Variants in GRID2 observed in about 807,000 individuals in gnomAD.
GRID2 encodes the protein glutamate ionotropic receptor delta type subunit 2.
In GRID2, 33 loss-of-function variants were observed where a neutral mutation model predicts 114.8. That is an observed-to-expected ratio of 0.29 (90% CI 0.22 to 0.38). The LOEUF is 0.38. Among genes scored for constraint, GRID2 ranks in the 10% least tolerant of loss-of-function variants. GRID2 has a pLI of 1.00. For synonymous variants in GRID2, 505 were observed against 449.9 expected, an observed-to-expected ratio of 1.12 and a Z score of -1.55; for missense variants, 1,184 against 1,257.7, an observed-to-expected ratio of 0.94 and a Z score of 0.89.
chr4:93,701,608 A>G (rs1727510903), intron 14 of GRID2, among the ~76,000 whole-genome samples: 1 of 152,144 alleles, frequency 6.6e-6, no homozygotes, highest in African/African-American at 2.4e-5. Context: ...CAGAGAAGAA[A>G]CAGACCATTT....
chr4:93,034,833 A>C (rs2149261619), intron 2 of GRID2, among the ~76,000 whole-genome samples: 1 of 152,254 alleles, frequency 6.6e-6, no homozygotes, highest in African/African-American at 2.4e-5. Flanking sequence ...GTCTCTCCAT[A>C]AACTTTACTC....
At chr4:92,843,075 C>CA (rs1743032105) in intron 2 of GRID2, among the ~76,000 whole-genome samples, 2 of 151,646 alleles carry the variant, frequency 1.3e-5, no homozygotes, top group Admixed American at 1.3e-4. Flanking sequence ...CCCATATATA[C>CA]AAAAAATAAA....
At chr4:93,607,435 A>T (rs981782209) in intron 13 of GRID2, among the ~76,000 whole-genome samples, 6 of 152,120 alleles carry the variant, frequency 3.9e-5, no homozygotes, top group African/African-American at 1.4e-4. Context: ...GGAACACATC[A>T]TCATTCTATG....
rs147601582 is a variant in GRID2, at chr4:93,150,128, A to G, written c.735+39175A>G. On this transcript the variant is annotated intron_variant, in intron 4 of 15. Transcript: ENST00000282020. ...AGAGCTAGAGTTGCCCCAGAGTTGA[A>G]TAACTCATCTGGTCAGTTAATGTGA... 7.2e-5 allele frequency among the ~76,000 whole-genome samples: 11 copies of G among 152,312 alleles called. No individual in the cohort carries two copies. In the East Asian group the frequency reaches 2.1e-3, roughly 29 times the overall value.
At position 93,724,753 on chromosome 4, in the gene GRID2, C is replaced by G. The variant is rs187152313; in HGVS notation, c.2361-44457C>G. 1.9e-3 allele frequency among the ~76,000 whole-genome samples: 292 copies of G among 151,984 alleles called. 2 individuals carry two copies. Among genetic ancestry groups the G allele is most frequent in the African/African-American group, 6.2e-3 (257 of 41,478 alleles). On this transcript the variant is annotated intron_variant, in intron 14 of 15. Coordinates refer to ENST00000282020, the MANE Select transcript of GRID2 (RefSeq NM_001510.4). ...TTGTCCAGTAGGGGAGAGAGAGGTC[C>G]TCACTGCACCATGTTCCAGAGCTTA...
chr4:92,417,501 C>A (rs2110316169), intron 1 of GRID2, among the ~76,000 whole-genome samples: 1 of 152,144 alleles, frequency 6.6e-6, no homozygotes, highest in Admixed American at 6.6e-5. Flanking sequence ...CCCTGAGGAA[C>A]TAACGCTCCA....
At chr4:92,455,133 G>T (rs1721140830) in intron 1 of GRID2, among the ~76,000 whole-genome samples, 1 of 151,996 alleles carries the variant, frequency 6.6e-6, no homozygotes, top group African/African-American at 2.4e-5. Flanking sequence ...TCCTAATAGA[G>T]CCCATATCTT....
At chr4:92,578,485 G>A (rs1728015141) in intron 1 of GRID2, among the ~76,000 whole-genome samples, 1 of 151,762 alleles carries the variant, frequency 6.6e-6, no homozygotes, top group African/African-American at 2.4e-5. Flanking sequence ...TTAAAAGATA[G>A]AGCCTCTCAG....
intron 4 of GRID2, among the ~76,000 whole-genome samples, chr4:93,175,316 A>G (rs1051531109): frequency 6.6e-5 from 10 of 152,104 alleles, no homozygotes; most frequent in African/African-American, 2.4e-4. Flanking sequence ...AAGTAGAGGC[A>G]TGTACCACCA....
intron 1 of GRID2, among the ~76,000 whole-genome samples, chr4:92,465,019 T>C (rs528208861): frequency 6.6e-6 from 1 of 152,202 alleles, no homozygotes; most frequent in South Asian, 2.1e-4. Context: ...CATGTGAAGA[T>C]GTGCCAGCTT....
intron 1 of GRID2, among the ~76,000 whole-genome samples, chr4:92,440,591 T>G (rs1321176738): frequency 6.6e-6 from 1 of 152,078 alleles, no homozygotes; most frequent in Non-Finnish European, 1.5e-5. Flanking sequence ...TGAGAAGTTA[T>G]TTCCTTGAGG....
At chr4:93,665,623 C>T (rs556712772) in intron 14 of GRID2, among the ~76,000 whole-genome samples, 1 of 152,252 alleles carries the variant, frequency 6.6e-6, no homozygotes, top group Non-Finnish European at 1.5e-5. Context: ...TGATGATGTG[C>T]TTTAAAAGCC....
At chr4:92,611,115 T>TGTGC (rs1560488137) in intron 2 of GRID2, among the ~76,000 whole-genome samples, 2 of 134,840 alleles carry the variant, frequency 1.5e-5, no homozygotes, top group Non-Finnish European at 3.4e-5. Context: ...TATGTGTGTG[T>TGTGC]ATGTGTGTGT....
intron 14 of GRID2, among the ~76,000 whole-genome samples, chr4:93,752,931 T>C (rs1732449120): frequency 6.6e-6 from 1 of 152,220 alleles, no homozygotes; most frequent in African/African-American, 2.4e-5. Context: ...TTGGAGTCTT[T>C]GGAACCGTTA....
intron 2 of GRID2, among the ~76,000 whole-genome samples, chr4:92,801,612 T>C (rs1238799036): frequency 1.3e-5 from 2 of 151,998 alleles, no homozygotes; most frequent in African/African-American, 2.4e-5. Context: ...GCTACATAAC[T>C]TGGTCATCTT....
chr4:93,796,787 T>C (rs987516672), intron 1 of GRID2, among the ~76,000 whole-genome samples: 9 of 152,184 alleles, frequency 5.9e-5, no homozygotes, highest in African/African-American at 2.2e-4. Context: ...TGACCTCAAG[T>C]GATCTACCTG....
At position 92,586,843 on chromosome 4, in the gene GRID2, T is replaced by C. The variant is rs553255080; in HGVS notation, c.89-3288T>C. On this transcript the variant is annotated intron_variant, in intron 1 of 15. Coordinates refer to ENST00000282020, the MANE Select transcript of GRID2 (RefSeq NM_001510.4). ...TATTTTTCTAAGATATAAGAAGACA[T>C]GTAAACATGATATAGTTTTCATTTA... is the stretch of plus-strand genomic sequence containing the variant. Among the ~76,000 whole-genome samples, 12 of 152,142 alleles carry C rather than the reference T, an allele frequency of 7.9e-5. No individual in the cohort carries two copies. In the South Asian group the frequency reaches 2.1e-3, roughly 26 times the overall value.
intron 2 of GRID2, among the ~76,000 whole-genome samples, chr4:92,899,924 T>G (rs1203142412): frequency 6.6e-6 from 1 of 152,138 alleles, no homozygotes; most frequent in Non-Finnish European, 1.5e-5. Flanking sequence ...TTGTAATTAG[T>G]CCTAGCCCTC....
At chr4:92,635,943 C>G (rs1175812634) in intron 2 of GRID2, among the ~76,000 whole-genome samples, 1 of 151,716 alleles carries the variant, frequency 6.6e-6, no homozygotes, top group East Asian at 1.9e-4. Context: ...CTTCTGTTTT[C>G]TGAAAAAAAT....
Sources: allele counts gnomAD v4.1 joint callset (sites outside exome capture counted in the v4.1 genomes callset), GRCh38; gene constraint gnomAD v4.1.1; transcripts MANE v1.5; gene names NCBI Gene and HGNC (gene_info 2026-07-23, HGNC 2026-07-21).